NKAIN3: variants seen among roughly 807,000 people sequenced by gnomAD.
The protein encoded by NKAIN3 is sodium/potassium transporting ATPase interacting 3.
Under a neutral mutation model 30.2 loss-of-function variants are expected in NKAIN3, and 25 were observed. That is an observed-to-expected ratio of 0.83 (90% CI 0.60 to 1.16). NKAIN3 has a LOEUF of 1.16. Among genes scored for constraint, NKAIN3 ranks in the 50% most tolerant of loss-of-function variants. The pLI is 0.00. For synonymous variants in NKAIN3, 91 were observed against 89.6 expected, an observed-to-expected ratio of 1.02 and a Z score of -0.09; for missense variants, 225 against 254.1, an observed-to-expected ratio of 0.89 and a Z score of 0.78.
intron 4 of NKAIN3, among the ~76,000 whole-genome samples, chr8:62,825,428 A>G (rs1191717537): frequency 6.6e-6 from 1 of 152,204 alleles, no homozygotes; most frequent in Non-Finnish European, 1.5e-5. Flanking sequence ...TGTTCTCTCT[A>G]ATCTTTATAG....
chr8:62,932,129 AT>A (rs35349818), intron 5 of NKAIN3, among the ~76,000 whole-genome samples: 36,379 of 152,174 alleles, frequency 0.24, 4,760 homozygotes, highest in African/African-American at 0.34. Context: ...GATTAATATC[AT>A]TTTTTAGTCC....
intron 1 of NKAIN3, among the ~76,000 whole-genome samples, chr8:62,378,875 G>A (rs1585740906): frequency 6.6e-6 from 1 of 152,164 alleles, no homozygotes; most frequent in South Asian, 2.1e-4. Flanking sequence ...CTGCATAGTG[G>A]AACTCTGAGA....
chr8:62,767,050 C>T (rs1816860971), intron 4 of NKAIN3, among the ~76,000 whole-genome samples: 2 of 152,114 alleles, frequency 1.3e-5, no homozygotes, highest in South Asian at 4.1e-4. Flanking sequence ...TTGTCTTTGC[C>T]TGCCAGTTTC....
intron 1 of NKAIN3, among the ~76,000 whole-genome samples, chr8:62,389,901 T>C (rs1389344547): frequency 6.6e-6 from 1 of 152,166 alleles, no homozygotes; most frequent in Non-Finnish European, 1.5e-5. Context: ...TGTTTGTGTT[T>C]GAGAATAATG....
intron 1 of NKAIN3, among the ~76,000 whole-genome samples, chr8:62,472,052 G>A (rs1806371789): frequency 6.7e-6 from 1 of 149,200 alleles, no homozygotes; most frequent in African/African-American, 2.5e-5. Context: ...AAAGTCTTCA[G>A]CTCACTGAAC....
At chr8:62,885,506 T>C (rs1821119615) in intron 4 of NKAIN3, among the ~76,000 whole-genome samples, 1 of 152,204 alleles carries the variant, frequency 6.6e-6, no homozygotes, top group Non-Finnish European at 1.5e-5. Flanking sequence ...CATCTGTTGA[T>C]GGTTGTGTTG....
intron 4 of NKAIN3, among the ~76,000 whole-genome samples, chr8:62,906,145 A>C (rs1821767829): frequency 6.6e-6 from 1 of 152,188 alleles, no homozygotes; most frequent in South Asian, 2.1e-4. Flanking sequence ...AAGAGATATG[A>C]AACTTGTGTT....
intron 3 of NKAIN3, among the ~76,000 whole-genome samples, chr8:62,706,334 G>A (rs1814520609): frequency 6.6e-6 from 1 of 152,042 alleles, no homozygotes; most frequent in African/African-American, 2.4e-5. Flanking sequence ...TAGGGGAGGA[G>A]GGACATGCAG....
intron 5 of NKAIN3, among the ~76,000 whole-genome samples, chr8:62,932,399 G>T (rs181903920): frequency 6.6e-6 from 1 of 152,330 alleles, no homozygotes; most frequent in East Asian, 1.9e-4. Context: ...AGTCAGATGT[G>T]CAGAAAACGT....
Position 62,526,683 on chromosome 8 carries a change from C to T in NKAIN3, c.55-52856C>T, listed in dbSNP as rs542627623. Among the ~76,000 whole-genome samples, 4 of 152,124 alleles carry T rather than the reference C, an allele frequency of 2.6e-5. No homozygotes were observed. In the East Asian group the frequency reaches 7.7e-4, roughly 29 times the overall value. ...TCTGTGTAAATACAGAATTACAGAACATTAGATCTAAAATGGACTTCATTG... is the reference window on the plus strand; with the variant it reads ...TCTGTGTAAATACAGAATTACAGAATATTAGATCTAAAATGGACTTCATTG... On this transcript the variant is annotated intron_variant, in intron 1 of 6. Transcript: ENST00000623646.
chr8:62,371,951 A>G (rs1041946391), intron 1 of NKAIN3, among the ~76,000 whole-genome samples: 1 of 151,940 alleles, frequency 6.6e-6, no homozygotes, highest in Non-Finnish European at 1.5e-5. Flanking sequence ...TCTTTGCCAA[A>G]GGATTATCAA....
intron 1 of NKAIN3, among the ~76,000 whole-genome samples, chr8:62,512,516 A>C (rs1454993654): frequency 6.6e-6 from 1 of 152,126 alleles, no homozygotes; most frequent in Non-Finnish European, 1.5e-5. Context: ...CCAACTTTGT[A>C]GTCTGTTCTG....
chr8:62,730,886 A>G (rs987102416), intron 3 of NKAIN3, among the ~76,000 whole-genome samples: 2 of 152,148 alleles, frequency 1.3e-5, no homozygotes, highest in South Asian at 2.1e-4. Context: ...ATTTTTAAGT[A>G]TTATGGAATC....
intron 4 of NKAIN3, among the ~76,000 whole-genome samples, chr8:62,889,173 G>A (rs568998667): frequency 8.6e-5 from 13 of 151,968 alleles, no homozygotes; most frequent in East Asian, 7.8e-4. Flanking sequence ...GTTCGAGACC[G>A]CCCTGGCCAA....
At chr8:62,429,822 A>G (rs188565018) in intron 1 of NKAIN3, among the ~76,000 whole-genome samples, 1 of 151,972 alleles carries the variant, frequency 6.6e-6, no homozygotes, top group Admixed American at 6.6e-5. Context: ...TTATTTTTTT[A>G]TTGTGATAAA....
intron 1 of NKAIN3, among the ~76,000 whole-genome samples, chr8:62,491,257 A>G (rs189436990): frequency 6.6e-6 from 1 of 152,288 alleles, no homozygotes; most frequent in Admixed American, 6.5e-5. Flanking sequence ...TTTTCTCTAC[A>G]TCATTATTAG....
intron 3 of NKAIN3, among the ~76,000 whole-genome samples, chr8:62,640,296 A>G (rs1812269238): frequency 6.6e-6 from 1 of 152,024 alleles, no homozygotes; most frequent in African/African-American, 2.4e-5. Context: ...TGCTCTTCTC[A>G]TGATAGTGAG....
intron 3 of NKAIN3, among the ~76,000 whole-genome samples, chr8:62,654,870 A>G (rs1296200599): frequency 6.6e-6 from 1 of 152,150 alleles, no homozygotes; most frequent in Non-Finnish European, 1.5e-5. Context: ...GAAATCTCAA[A>G]TAAGAGAGAG....
At chr8:62,250,728 T>A (rs1001898936) in intron 1 of NKAIN3, among the ~76,000 whole-genome samples, 1 of 152,228 alleles carries the variant, frequency 6.6e-6, no homozygotes, top group Non-Finnish European at 1.5e-5. Context: ...GATAATGTTT[T>A]TGAGATTTCA....
Sources: allele counts gnomAD v4.1 joint callset (sites outside exome capture counted in the v4.1 genomes callset), GRCh38; gene constraint gnomAD v4.1.1; transcripts MANE v1.5; gene names NCBI Gene and HGNC (gene_info 2026-07-23, HGNC 2026-07-21).